The following TTK variants were observed in gnomAD, a reference collection of about 807,000 sequenced individuals.
The protein encoded by TTK is dual specificity protein kinase TTK.
Under a neutral mutation model 117.3 loss-of-function variants are expected in TTK, and 59 were observed. That is an observed-to-expected ratio of 0.50 (90% CI 0.41 to 0.62). TTK has a LOEUF of 0.62. Among genes scored for constraint, TTK ranks in the 20% least tolerant of loss-of-function variants. The pLI is 0.00. For synonymous variants in TTK, 302 were observed against 325.0 expected (o/e 0.93, Z 0.76); for missense variants, 921 against 989.4 (o/e 0.93, Z 0.93).
At position 80,007,991 on chromosome 6, in the gene TTK, A is replaced by ACGGG; in HGVS notation, c.322_323insCGGG (p.Ser108ThrfsTer5). ...CCCAGATAAATATGGCCAAAATGAG[A>ACGGG]GTTTTGCTAGAATTCAAGTGAGATT... On this transcript the variant is annotated frameshift_variant, in exon 3 of 22. Transcript: ENST00000369798. LOFTEE classifies it high-confidence loss of function. 3.1e-6 allele frequency: 5 copies of ACGGG among 1,591,552 alleles called. No homozygotes were observed. The highest frequency in any genetic ancestry group is 4.3e-6 in the Non-Finnish European group (5 of 1,159,962).
chr6:80,024,293 A>G (rs948311890), intron 11 of TTK, among the ~76,000 whole-genome samples: 30 of 152,364 alleles, frequency 2.0e-4, no homozygotes, highest in African/African-American at 6.7e-4. Flanking sequence ...CATCCACACA[A>G]ATATTTGTAC....
chr6:80,039,943 G>T, intron 19 of TTK, 71 bp downstream of exon 19: 1 of 1,240,996 alleles, frequency 8.1e-7, no homozygotes, highest in South Asian at 2.0e-5. Flanking sequence ...TTATGTAACT[G>T]GCTTAGATAT....
At chr6:80,005,685 T>C (rs190885521) in intron 1 of TTK, 157 bp from the exon 2 acceptor site, 1 of 707,700 alleles carries the variant, frequency 1.4e-6, no homozygotes, top group African/African-American at 1.8e-5. Flanking sequence ...ACCTTGTTGT[T>C]GTGCACTTAC....
intron 2 of TTK, among the ~76,000 whole-genome samples, chr6:80,007,176 G>A (rs1767014558): frequency 6.6e-6 from 1 of 152,166 alleles, no homozygotes; most frequent in South Asian, 2.1e-4. Context: ...CAAAGGTCTA[G>A]ACCACGGTAA....
chr6:80,014,082 C>G (rs1406006303), intron 9 of TTK, among the ~76,000 whole-genome samples: 1 of 152,080 alleles, frequency 6.6e-6, no homozygotes, highest in Non-Finnish European at 1.5e-5. Context: ...TATGCAGTTA[C>G]TAGTTTTGAC....
chr6:80,019,964 G>C (rs1285664458), intron 10 of TTK, among the ~76,000 whole-genome samples: 1 of 152,040 alleles, frequency 6.6e-6, no homozygotes, highest in Non-Finnish European at 1.5e-5. Context: ...ATATGAACTT[G>C]AAAAGCATTA....
intron 11 of TTK, 69 bp from the exon 12 acceptor site, chr6:80,026,309 A>G: frequency 1.3e-6 from 2 of 1,494,048 alleles, no homozygotes; most frequent in East Asian, 2.3e-5. Context: ...AAGTTATAAT[A>G]TTTGTAAAAA....
rs1767126559 is a variant in TTK at position 80,010,866 on chromosome 6, A to C, written c.522A>C (p.Ala174=). The C allele has an allele frequency of 6.2e-7, 1 of 1,612,492 alleles. No individual in the cohort carries two copies. Among genetic ancestry groups the C allele is most frequent in the African/African-American group, 1.3e-5 (1 of 74,858 alleles). The change falls in exon 5 of 22, where the codon GCA becomes GCC. Residue 174 remains alanine (A), a synonymous_variant. Coordinates refer to ENST00000369798, the MANE Select transcript of TTK (RefSeq NM_003318.5). Reference sequence around the variant, plus strand: ...TTCAAAAAGCTGTAGAACGTGGAGCAGTACCACTAGAAATGCTGGAAATTG... The same window carrying C: ...TTCAAAAAGCTGTAGAACGTGGAGCCGTACCACTAGAAATGCTGGAAATTG... ...QLLQKAVERG[A]VPLEMLEIAL...
chr6:80,027,809 TA>T, intron 12 of TTK, 75 bp from the exon 13 acceptor site: 2 of 1,237,778 alleles, frequency 1.6e-6, no homozygotes, highest in Non-Finnish European at 2.2e-6. Flanking sequence ...TATATCAGTC[TA>T]AAATACATGA....
At chr6:80,019,199 CA>C in intron 10 of TTK, among the ~76,000 whole-genome samples, 1 of 152,198 alleles carries the variant, frequency 6.6e-6, no homozygotes, top group South Asian at 2.1e-4. Flanking sequence ...GAATAAATTA[CA>C]AACTAGCATA....
In TTK at chr6:80,013,351, A is replaced by G. The variant is rs553249500; in HGVS notation, c.969A>G (p.Glu323=). 6.3e-7 allele frequency: 1 copy of G among 1,598,110 alleles called. No individual in the cohort carries two copies. The highest frequency in any genetic ancestry group is 2.2e-5 in the East Asian group (1 of 44,558). Residue 323 remains glutamate, a synonymous_variant, in exon 9 of 22, where the codon GAA becomes GAG. Coordinates refer to ENST00000369798, the MANE Select transcript of TTK (RefSeq NM_003318.5). The stretch of plus-strand genomic sequence containing the variant: ...AACCAAGTGGAAATGATTCCTGTGA[A>G]TTAAGAAATTTAAAGGTATTTTAAT... The part of the protein sequence containing the change: ...GSKPSGNDSC[E]LRNLKSVQNS...
In TTK at chr6:80,038,021, A is replaced by G. The variant is rs372900516; in HGVS notation, c.2104A>G (p.Arg702Gly). The change falls in exon 18 of 22, where the codon AGA (arginine) becomes GGA (glycine). Residue 702 changes from arginine to glycine, a missense_variant. Arg to Gly is a moderately radical substitution (Grantham distance 125). Coordinates refer to ENST00000369798, the MANE Select transcript of TTK (RefSeq NM_003318.5). Reference sequence around the variant, plus strand: ...AGCAATCAAAGATATGTCTTCCTCCAGAGAGAATGGGAAATCTAAGTCAAA... The same window carrying G: ...AGCAATCAAAGATATGTCTTCCTCCGGAGAGAATGGGAAATCTAAGTCAAA... ...PEAIKDMSSS[R>G]ENGKSKSKIS... 1 of 1,610,176 alleles carries G rather than the reference A, an allele frequency of 6.2e-7. No homozygotes were observed. Among genetic ancestry groups the G allele is most frequent in the Non-Finnish European group, 8.5e-7 (1 of 1,177,744 alleles).
chr6:80,027,181 C>T (rs1229932959), intron 12 of TTK, among the ~76,000 whole-genome samples: 1 of 152,158 alleles, frequency 6.6e-6, no homozygotes, highest in Non-Finnish European at 1.5e-5. Context: ...TTTTGCGTTT[C>T]ATTTTCATAA....
At chr6:80,029,510 G>A (rs1181143468) in intron 13 of TTK, among the ~76,000 whole-genome samples, 3 of 152,306 alleles carry the variant, frequency 2.0e-5, no homozygotes, top group South Asian at 4.1e-4. Flanking sequence ...TATTACTAGT[G>A]TCAGGCCCTG....
intron 10 of TTK, among the ~76,000 whole-genome samples, chr6:80,021,703 A>G (rs1000522947): frequency 6.6e-6 from 1 of 152,116 alleles, no homozygotes; most frequent in Non-Finnish European, 1.5e-5. Flanking sequence ...ATCTGGAGGT[A>G]TGGTTTGTGT....
chr6:80,042,089 G>T (rs771402477), intron 21 of TTK, 30 bp from the exon 22 acceptor site: 23 of 1,460,458 alleles, frequency 1.6e-5, no homozygotes, highest in East Asian at 2.3e-5. Context: ...CTAAAAAATT[G>T]CAAAACAGAT....
chr6:80,027,981 A>G lies in TTK; in HGVS notation c.1491A>G (p.Gln497=). 1 of 1,605,470 alleles carries G rather than the reference A, an allele frequency of 6.2e-7. No homozygotes were observed. Among genetic ancestry groups the G allele is most frequent in the Admixed American group, 1.7e-5 (1 of 59,454 alleles). ...QPACFQQQQH[Q]ILATPLQNLQ... is the part of the protein sequence containing the mutation. Reference sequence around the variant, plus strand: ...CCTGTTTCCAGCAGCAACAGCATCAAATACTTGCCACTCCACTTCAAAATT... The same window carrying G: ...CCTGTTTCCAGCAGCAACAGCATCAGATACTTGCCACTCCACTTCAAAATT... The change falls in exon 13 of 22, where the codon CAA becomes CAG. Residue 497 remains glutamine (Q), a synonymous_variant. Transcript: ENST00000369798.
chr6:80,036,640 C>A (rs1562025353), intron 17 of TTK, 41 bp downstream of exon 17: 1 of 1,546,596 alleles, frequency 6.5e-7, no homozygotes, highest in Non-Finnish European at 8.7e-7. Flanking sequence ...GAGTTCAATT[C>A]TTTTTTTACC....
chr6:80,040,587 T>C lies in TTK; in HGVS notation c.2393-19T>C. On this transcript the variant is annotated intron_variant, in intron 20 of 21. Transcript: ENST00000369798. ...TATTTTTCTTACTGGTACTAGTGTATTATTGATTTATTTTATAGTTAACCA... is the reference window on the plus strand; with the variant it reads ...TATTTTTCTTACTGGTACTAGTGTACTATTGATTTATTTTATAGTTAACCA... The C allele has an allele frequency of 6.2e-7, 1 of 1,601,796 alleles. No individual in the cohort carries two copies. Among genetic ancestry groups the C allele is most frequent in the East Asian group, 2.2e-5 (1 of 44,682 alleles).
Sources: gnomAD v4.1 joint callset for allele counts (sites outside exome capture counted in the v4.1 genomes callset) on GRCh38, gnomAD v4.1.1 for gene constraint, MANE v1.5 for transcripts, NCBI Gene and HGNC (gene_info 2026-07-23, HGNC 2026-07-21) for gene names.